Variants in FLNB observed in about 807,000 individuals in gnomAD.
FLNB encodes the protein filamin-B.
Under a neutral mutation model 250.6 loss-of-function variants are expected in FLNB, and 111 were observed. The observed-to-expected ratio is 0.44, with a 90% CI of 0.38 to 0.52. The LOEUF (loss-of-function observed/expected upper bound fraction) is 0.52, where lower values mean the gene tolerates loss of function less well. FLNB is among the 20% of genes least tolerant of loss of function. FLNB has a pLI of 0.00. For missense variants in FLNB, 2,869 were observed against 3,447.8 expected, an observed-to-expected ratio of 0.83 and a Z score of 4.20; for synonymous variants, 1,302 against 1,372.1, an observed-to-expected ratio of 0.95 and a Z score of 1.13.
chr3:58,121,841 T>C (rs2097289216), intron 20 of FLNB, among the ~76,000 whole-genome samples: 3 of 152,156 alleles, frequency 2.0e-5, no homozygotes, highest in Admixed American at 6.5e-5. Flanking sequence ...CAGACGGAGC[T>C]CACCCTCCAG....
chr3:58,035,468 A>T (rs1314606704), intron 1 of FLNB, among the ~76,000 whole-genome samples: 1 of 152,188 alleles, frequency 6.6e-6, no homozygotes, highest in Non-Finnish European at 1.5e-5. Flanking sequence ...AGGGGGCAGA[A>T]TGGTGGTTTA....
At chr3:58,083,690 C>A (rs749713127) in intron 4 of FLNB, among the ~76,000 whole-genome samples, 2 of 152,126 alleles carry the variant, frequency 1.3e-5, no homozygotes, top group Non-Finnish European at 2.9e-5. Flanking sequence ...GCTGTTCTCA[C>A]CTCAGTGGTC....
chr3:58,028,398 T>A (rs1164814275), intron 1 of FLNB, among the ~76,000 whole-genome samples: 1 of 151,970 alleles, frequency 6.6e-6, no homozygotes, highest in Non-Finnish European at 1.5e-5. Flanking sequence ...TTTTTTAATT[T>A]AAATTTCCCA....
At chr3:58,145,101 T>G (rs1410866877) in intron 32 of FLNB, among the ~76,000 whole-genome samples, 1 of 152,242 alleles carries the variant, frequency 6.6e-6, no homozygotes, top group African/African-American at 2.4e-5. Flanking sequence ...CTGCTTCTAT[T>G]TAAATATTCT....
intron 1 of FLNB, among the ~76,000 whole-genome samples, chr3:58,039,588 A>G (rs1188832984): frequency 6.6e-6 from 1 of 152,184 alleles, no homozygotes; most frequent in African/African-American, 2.4e-5. Flanking sequence ...CAAGTTGCTG[A>G]GTAGCAAACA....
chr3:58,113,639 G>C (rs537081758), intron 18 of FLNB, among the ~76,000 whole-genome samples: 1 of 152,054 alleles, frequency 6.6e-6, no homozygotes, highest in Non-Finnish European at 1.5e-5. Context: ...CTTACATCCA[G>C]GCTTGCTGCT....
In FLNB at chr3:58,132,945, A is replaced by G; in HGVS notation, c.4514+14A>G. The G allele has an allele frequency of 2.5e-6, 4 of 1,608,492 alleles. No individual in the cohort carries two copies. In the South Asian group the frequency reaches 3.3e-5, roughly 13 times the overall value. Reference sequence around the variant, plus strand: ...GATTCCTCGCAGGTAAGCTCCATCCATCTGCCCATCCATTCCTCCATCAGT... The same window carrying G: ...GATTCCTCGCAGGTAAGCTCCATCCGTCTGCCCATCCATTCCTCCATCAGT... On this transcript the variant is annotated intron_variant, in intron 26 of 45. Coordinates refer to ENST00000295956, the MANE Select transcript of FLNB (RefSeq NM_001457.4).
At chr3:58,108,619 T>G in intron 13 of FLNB, 48 bp downstream of exon 13, 1 of 1,196,268 alleles carries the variant, frequency 8.4e-7, no homozygotes, top group South Asian at 1.2e-5. Context: ...GGTAACAAGA[T>G]CTGACCACGT....
At position 58,091,077 on chromosome 3, in the gene FLNB, C is replaced by CA. The variant is rs35189686; in HGVS notation, c.788-3742dup. 3.5e-3 allele frequency among the ~76,000 whole-genome samples: 381 copies of CA among 109,520 alleles called. 3 individuals carry two copies. The highest frequency in any genetic ancestry group is 2.8e-3 in the Admixed American group (32 of 11,280). 71.8% of individuals were successfully genotyped at this position (109,520 alleles called of 152,430 possible). The stretch of plus-strand genomic sequence containing the variant: ...TGGGCGACAGAGCGAGACTCCGTCT[C>CA]AAAAAAAAAAAAAAAAAGTCAAATA... On this transcript the variant is annotated intron_variant, in intron 4 of 45. Coordinates refer to ENST00000295956, the MANE Select transcript of FLNB (RefSeq NM_001457.4).
intron 8 of FLNB, among the ~76,000 whole-genome samples, chr3:58,100,927 G>T (rs1221944293): frequency 6.6e-6 from 1 of 151,924 alleles, no homozygotes; most frequent in Non-Finnish European, 1.5e-5. Context: ...TAGAGGTGGG[G>T]TCTCACTCTG....
intron 1 of FLNB, among the ~76,000 whole-genome samples, chr3:58,056,471 T>G (rs939795858): frequency 2.0e-5 from 3 of 152,044 alleles, no homozygotes; most frequent in Non-Finnish European, 4.4e-5. Context: ...ACACACCCAC[T>G]TTTCACACTT....
chr3:58,097,929 G>C lies in FLNB; in HGVS notation c.1099G>C (p.Val367Leu). 1 of 1,614,180 alleles carries C rather than the reference G, an allele frequency of 6.2e-7. No homozygotes were observed. The highest frequency in any genetic ancestry group is 8.5e-7 in the Non-Finnish European group (1 of 1,180,014). ...VTAKGPGLEAVGNIANKPTYF... is the reference protein window; with the variant it reads ...VTAKGPGLEALGNIANKPTYF... ...TGCAAAAGGTCCAGGGTTGGAAGCT[G>C]TAGGGAACATCGCCAATAAGCCCAC... Residue 367 changes from valine (V) to leucine (L), a missense_variant, in exon 7 of 46, where the codon GTA becomes CTA. Around this residue, in one of 5 missense-constraint regions of FLNB, gnomAD observed 1,348 missense variants for 1,466.7 expected, o/e 0.92. Transcript: ENST00000295956.
At chr3:58,132,556 T>C (rs191153528) in intron 25 of FLNB, 58 of 555,544 alleles carry the variant, frequency 1.0e-4, no homozygotes, top group Admixed American at 9.8e-4. Context: ...TCCTTAATTA[T>C]ACTCTAGGGC....
intron 43 of FLNB, among the ~76,000 whole-genome samples, chr3:58,168,126 A>G (rs1039628247): frequency 9.9e-5 from 15 of 152,252 alleles, no homozygotes; most frequent in African/African-American, 2.4e-5. Context: ...TCAGGCTCAC[A>G]GTGTGACTCA....
chr3:58,111,138 G>A (rs755821470), intron 16 of FLNB, among the ~76,000 whole-genome samples: 6 of 152,182 alleles, frequency 3.9e-5, no homozygotes, highest in Non-Finnish European at 5.9e-5. Context: ...AGCAATGACT[G>A]TGGTCTCCAC....
At chr3:58,060,384 C>T (rs1461977557) in intron 1 of FLNB, among the ~76,000 whole-genome samples, 3 of 144,224 alleles carry the variant, frequency 2.1e-5, no homozygotes, top group Admixed American at 1.4e-4. Context: ...GATGGAGTCT[C>T]GCTCTGTTGC....
At chr3:58,030,512 T>A (rs1206987623) in intron 1 of FLNB, among the ~76,000 whole-genome samples, 1 of 152,174 alleles carries the variant, frequency 6.6e-6, no homozygotes, top group Admixed American at 6.5e-5. Flanking sequence ...GAGCCAGGGA[T>A]GGATGGAGTC....
intron 6 of FLNB, 94 bp from the exon 7 acceptor site, chr3:58,097,721 T>G (rs2097241504): frequency 2.4e-6 from 3 of 1,233,170 alleles, no homozygotes; most frequent in Non-Finnish European, 3.5e-6. Context: ...CATGGGAGGG[T>G]AGGAGAGGTG....
Position 58,108,215 on chromosome 3 carries a change from C to T in FLNB, c.1942-243C>T, listed in dbSNP as rs114667821. Among the ~76,000 whole-genome samples, 1,448 of 152,294 alleles carry T rather than the reference C, an allele frequency of 9.5e-3. 30 individuals are homozygous for T. The highest frequency in any genetic ancestry group is 0.032 in the African/African-American group (1,331 of 41,562). The stretch of plus-strand genomic sequence containing the variant: ...ATTCAAAGCCATCCTGGGCCGCATG[C>T]GGGCTTCAGGCCGTGGGTTGGATTT... On this transcript the variant is annotated intron_variant, in intron 12 of 45. Transcript: ENST00000295956.
Sources: gnomAD v4.1 joint callset for allele counts (sites outside exome capture counted in the v4.1 genomes callset) on GRCh38, gnomAD v4.1.1 for gene constraint, gnomAD v4.1.1 regional missense constraint, MANE v1.5 for transcripts, NCBI Gene and HGNC (gene_info 2026-07-23, HGNC 2026-07-21) for gene names.